Variants in GASK1A observed in about 807,000 individuals in gnomAD.
GASK1A encodes golgi associated kinase 1A, also known as Golgi-associated kinase 1A.
In GASK1A, 40 loss-of-function variants were observed where a neutral mutation model predicts 41.2. The observed-to-expected ratio is 0.97, with a 90% CI of 0.75 to 1.27. The LOEUF is 1.27. Among genes scored for constraint, GASK1A ranks in the 50% most tolerant of loss-of-function variants. The pLI is 0.00. For synonymous variants in GASK1A, 316 were observed against 307.1 expected (o/e 1.03, Z -0.30); for missense variants, 678 against 745.1 (o/e 0.91, Z 1.05).
At chr3:43,001,002 G>C (rs1052064127) in intron 1 of GASK1A, among the ~76,000 whole-genome samples, 6 of 152,192 alleles carry the variant, frequency 3.9e-5, no homozygotes, top group African/African-American at 1.4e-4. Context: ...ATGCCTGGGT[G>C]CCTGTCACAG....
chr3:43,025,977 A>G (rs1157088107), intron 1 of GASK1A, among the ~76,000 whole-genome samples: 1 of 152,232 alleles, frequency 6.6e-6, no homozygotes, highest in Non-Finnish European at 1.5e-5. Context: ...AGCCAGTTTC[A>G]TGCAGGTGCA....
intron 1 of GASK1A, among the ~76,000 whole-genome samples, chr3:43,006,415 C>A (rs1044307446): frequency 6.6e-6 from 1 of 152,130 alleles, no homozygotes; most frequent in African/African-American, 2.4e-5. Context: ...ATGTTATATG[C>A]CTGAAATTGC....
chr3:42,998,247 G>T (rs1465329411), intron 1 of GASK1A, among the ~76,000 whole-genome samples: 1 of 152,192 alleles, frequency 6.6e-6, no homozygotes, highest in South Asian at 2.1e-4. Flanking sequence ...GTCAGCTTTT[G>T]TGGAATATTC....
chr3:43,012,711 G>A (rs1314764030), intron 1 of GASK1A, among the ~76,000 whole-genome samples: 1 of 149,720 alleles, frequency 6.7e-6, no homozygotes, highest in Non-Finnish European at 1.5e-5. Flanking sequence ...GGAAGGAGCT[G>A]TGTGAAGTCA....
intron 2 of GASK1A, among the ~76,000 whole-genome samples, chr3:43,043,985 T>C (rs529591068): frequency 5.7e-4 from 87 of 152,250 alleles, no homozygotes; most frequent in Non-Finnish European, 9.3e-4. Context: ...GCCCTCACTG[T>C]GAAACATTCA....
intron 1 of GASK1A, among the ~76,000 whole-genome samples, chr3:42,980,848 A>T (rs778098660): frequency 6.6e-6 from 1 of 152,222 alleles, no homozygotes; most frequent in South Asian, 2.1e-4. Context: ...TTGGGGGTAC[A>T]GGATGTGAAA....
intron 1 of GASK1A, among the ~76,000 whole-genome samples, chr3:42,982,325 T>C (rs983120729): frequency 1.3e-5 from 2 of 152,180 alleles, no homozygotes; most frequent in Non-Finnish European, 2.9e-5. Flanking sequence ...AAGTTGAAAC[T>C]ATTACTGCCA....
intron 1 of GASK1A, among the ~76,000 whole-genome samples, chr3:42,999,624 C>T (rs1406915022): frequency 5.3e-5 from 8 of 152,214 alleles, no homozygotes; most frequent in East Asian, 1.9e-4. Flanking sequence ...GAGGTCATGC[C>T]GCCAATCTCT....
Position 43,032,922 on chromosome 3 carries a change from C to A in GASK1A, c.659C>A (p.Pro220His), listed in dbSNP as rs936378777. 2.6e-6 allele frequency: 4 copies of A among 1,551,310 alleles called. No individual in the cohort carries two copies. The African/African-American group carries it at 5.5e-5, about 21-fold the overall frequency. The stretch of plus-strand genomic sequence containing the variant: ...ACTGGTGGGCAACAAGCAGAGGATC[C>A]CACCTTGGCCTCAGGAGCTCATCAG... ...ALTGGQQAED[P>H]TLASGAHQWP... The change falls in exon 2 of 5, where the codon CCC becomes CAC. Residue 220 changes from proline (P) to histidine (H), a missense_variant. Pro to His is a moderately conservative substitution (Grantham distance 77, BLOSUM62 -2). Transcript: ENST00000430121.
chr3:43,031,587 T>A (rs1472673903), intron 1 of GASK1A, among the ~76,000 whole-genome samples: 1 of 152,220 alleles, frequency 6.6e-6, no homozygotes, highest in Non-Finnish European at 1.5e-5. Context: ...GACTGCATGT[T>A]GAGAAATCAC....
intron 1 of GASK1A, among the ~76,000 whole-genome samples, 182 bp downstream of exon 1, chr3:42,979,827 G>A (rs1382166081): frequency 3.3e-5 from 5 of 152,124 alleles, no homozygotes; most frequent in East Asian, 1.9e-4. Flanking sequence ...AGCTGGGGGC[G>A]ATCGGCTTTC....
chr3:43,019,974 T>C (rs1283270969), intron 1 of GASK1A, among the ~76,000 whole-genome samples: 1 of 152,236 alleles, frequency 6.6e-6, no homozygotes, highest in South Asian at 2.1e-4. Context: ...ACCAAATTTT[T>C]GTCATCCTTT....
chr3:42,987,802 C>A (rs796717611), intron 1 of GASK1A, among the ~76,000 whole-genome samples: 5 of 151,962 alleles, frequency 3.3e-5, no homozygotes, highest in African/African-American at 1.2e-4. Flanking sequence ...AGTTTGAGAC[C>A]AGCCTGGCCA....
chr3:43,032,301 G>C lies in GASK1A; in HGVS notation c.38G>C (p.Arg13Thr), dbSNP rs1001695132. 1.3e-6 allele frequency: 2 copies of C among 1,537,428 alleles called. No homozygotes were observed. Among genetic ancestry groups the C allele is most frequent in the Non-Finnish European group, 1.8e-6 (2 of 1,136,308 alleles). ...CTCCGGAGAAAGCTGCGTGGCAAGA[G>C]GCGGCCAGTGATAGCGTTCTGCCTC... ...SWLRRKLRGK[R>T]RPVIAFCLLM... Residue 13 changes from arginine to threonine, a missense_variant, in exon 2 of 5, where the codon AGG becomes ACG. Transcript: ENST00000430121.
At chr3:43,039,204 G>GTTTTTTT (rs548862246) in intron 2 of GASK1A, among the ~76,000 whole-genome samples, 2 of 136,548 alleles carry the variant, frequency 1.5e-5, no homozygotes. Context: ...TTTTTTTTTT[G>GTTTTTTT]GTTTTTTTTT....
At chr3:42,983,317 C>T (rs1431870611) in intron 1 of GASK1A, among the ~76,000 whole-genome samples, 1 of 152,010 alleles carries the variant, frequency 6.6e-6, no homozygotes, top group Non-Finnish European at 1.5e-5. Context: ...AAACGACCCA[C>T]AAAAATAGGT....
chr3:43,013,783 G>T (rs1056717698), intron 1 of GASK1A, among the ~76,000 whole-genome samples: 6 of 151,954 alleles, frequency 3.9e-5, no homozygotes, highest in Non-Finnish European at 8.8e-5. Context: ...GCTACGTGAA[G>T]TCACAGGAAG....
chr3:43,035,001 C>G (rs1339228345), intron 2 of GASK1A, among the ~76,000 whole-genome samples: 2 of 152,216 alleles, frequency 1.3e-5, no homozygotes, highest in African/African-American at 4.8e-5. Flanking sequence ...CCTCCCAGCT[C>G]CTCCAATCTA....
rs752203997 is a variant in GASK1A, at chr3:43,056,174, A to G, written c.1518-2A>G. On this transcript the variant is annotated splice_acceptor_variant, in intron 4 of 4. Coordinates refer to ENST00000430121, the MANE Select transcript of GASK1A (RefSeq NM_001129908.3). LOFTEE classifies it high-confidence loss of function. ...TACGGGGCTCTGGGGCCTTTGCTCCAGGTTTCCTGAGTCTGCCGTGAAGGT... is the reference window on the plus strand; with the variant it reads ...TACGGGGCTCTGGGGCCTTTGCTCCGGGTTTCCTGAGTCTGCCGTGAAGGT... 5 of 1,548,206 alleles carry G rather than the reference A, an allele frequency of 3.2e-6. No homozygotes were observed. In the South Asian group the frequency reaches 3.6e-5, roughly 11 times the overall value.
Sources: gnomAD v4.1 joint callset for allele counts (sites outside exome capture counted in the v4.1 genomes callset) on GRCh38, gnomAD v4.1.1 for gene constraint, MANE v1.5 for transcripts, NCBI Gene and HGNC (gene_info 2026-07-23, HGNC 2026-07-21) for gene names.